The following PIK3CB variants were observed in gnomAD, a reference collection of about 807,000 sequenced individuals.
The protein encoded by PIK3CB is phosphatidylinositol 4,5-bisphosphate 3-kinase catalytic subunit beta isoform.
A neutral mutation model predicts 136.8 loss-of-function variants in PIK3CB; 39 were observed. The ratio of observed to expected loss-of-function variants is 0.29; its 90% confidence interval spans 0.22 to 0.37. PIK3CB has a LOEUF of 0.37. Among genes scored for constraint, PIK3CB ranks in the 10% least tolerant of loss-of-function variants. PIK3CB has a pLI of 1.00. For missense variants in PIK3CB, 868 were observed against 1,275.4 expected, an observed-to-expected ratio of 0.68 and a Z score of 4.87; for synonymous variants, 428 against 436.6, an observed-to-expected ratio of 0.98 and a Z score of 0.25.
chr3:138,728,516 G>A (rs2044891944), intron 8 of PIK3CB, among the ~76,000 whole-genome samples: 1 of 152,094 alleles, frequency 6.6e-6, no homozygotes, highest in Admixed American at 6.5e-5. Flanking sequence ...AGTGGCTCAC[G>A]CCTGTAATCA....
chr3:138,714,267 A>T (rs1172069923), intron 9 of PIK3CB, among the ~76,000 whole-genome samples: 1 of 152,240 alleles, frequency 6.6e-6, no homozygotes, highest in African/African-American at 2.4e-5. Context: ...GATTACAAAA[A>T]AAATGCATGA....
At chr3:138,677,338 G>A (rs1266855613) in intron 19 of PIK3CB, among the ~76,000 whole-genome samples, 3 of 152,098 alleles carry the variant, frequency 2.0e-5, no homozygotes, top group African/African-American at 2.4e-5. Context: ...GGTTACAGGC[G>A]TGAGCCACCG....
At chr3:138,821,852 C>G (rs1357634762) in intron 1 of PIK3CB, among the ~76,000 whole-genome samples, 1 of 151,458 alleles carries the variant, frequency 6.6e-6, no homozygotes, top group Non-Finnish European at 1.5e-5. Context: ...ATGTGCACAT[C>G]AAGAGTTAAG....
intron 19 of PIK3CB, among the ~76,000 whole-genome samples, chr3:138,669,329 G>C (rs562185166): frequency 8.4e-5 from 12 of 142,888 alleles, no homozygotes; most frequent in African/African-American, 3.1e-4. Context: ...GATCACCTGA[G>C]CCCAAGGAGT....
intron 11 of PIK3CB, among the ~76,000 whole-genome samples, chr3:138,705,181 CAAAACAAACAAAA>C (rs2044347329): frequency 2.1e-4 from 12 of 58,530 alleles, no homozygotes; most frequent in African/African-American, 8.3e-4. Flanking sequence ...AAACAAAAAA[CAAAACAAACAAAA>C]AAAAAAACTT....
chr3:138,662,971 G>A (rs2108413114), intron 21 of PIK3CB, among the ~76,000 whole-genome samples: 1 of 152,252 alleles, frequency 6.6e-6, no homozygotes, highest in African/African-American at 2.4e-5. Context: ...AGAAAACTTA[G>A]GCATTACCAT....
intron 10 of PIK3CB, among the ~76,000 whole-genome samples, chr3:138,709,520 T>A (rs527916447): frequency 8.5e-5 from 13 of 152,110 alleles, no homozygotes; most frequent in African/African-American, 3.1e-4. Context: ...GGAAAAAAAA[T>A]AATAAACGTG....
At chr3:138,747,052 CT>C (rs1451816493) in intron 4 of PIK3CB, among the ~76,000 whole-genome samples, 4 of 75,208 alleles carry the variant, frequency 5.3e-5, no homozygotes, top group South Asian at 4.7e-4. Context: ...GCTATTCAGC[CT>C]TTATATATAT....
intron 12 of PIK3CB, among the ~76,000 whole-genome samples, chr3:138,703,607 A>G (rs1354695139): frequency 6.6e-6 from 1 of 151,734 alleles, no homozygotes; most frequent in Non-Finnish European, 1.5e-5. Context: ...TAGATATATA[A>G]ATGTAGATAT....
chr3:138,762,353 G>A (rs763962839), intron 2 of PIK3CB, among the ~76,000 whole-genome samples: 58 of 152,190 alleles, frequency 3.8e-4, no homozygotes, highest in Admixed American at 2.6e-4. Flanking sequence ...ATGTCTAGTG[G>A]TCTTACTTTT....
chr3:138,696,228 C>G (rs1303441454), intron 13 of PIK3CB, among the ~76,000 whole-genome samples: 4 of 149,742 alleles, frequency 2.7e-5, no homozygotes, highest in Non-Finnish European at 5.9e-5. Context: ...TGTTGTCCAG[C>G]CTGGAGTGCA....
chr3:138,734,603 G>T (rs771603536), intron 7 of PIK3CB, 31 bp downstream of exon 7: 1 of 1,515,368 alleles, frequency 6.6e-7, no homozygotes. Context: ...ATGGCTTTTG[G>T]GGTTACTAAA....
chr3:138,775,287 C>T (rs2045845071), intron 2 of PIK3CB, among the ~76,000 whole-genome samples: 1 of 152,146 alleles, frequency 6.6e-6, no homozygotes, highest in Non-Finnish European at 1.5e-5. Context: ...GGGAAAACAA[C>T]TGAATTTCAA....
At chr3:138,661,041 T>G (rs1385115047) in intron 21 of PIK3CB, among the ~76,000 whole-genome samples, 1 of 152,210 alleles carries the variant, frequency 6.6e-6, no homozygotes, top group Non-Finnish European at 1.5e-5. Flanking sequence ...AGTCTTTTGA[T>G]GAGGGTCAAC....
intron 2 of PIK3CB, 34 bp from the exon 3 acceptor site, chr3:138,759,393 C>A (rs1322382725): frequency 1.1e-5 from 16 of 1,464,134 alleles, no homozygotes; most frequent in Non-Finnish European, 1.5e-5. Flanking sequence ...AGCAAAACAA[C>A]CATCAGCCAA....
chr3:138,800,052 T>C (rs1361524933), intron 1 of PIK3CB, among the ~76,000 whole-genome samples: 1 of 152,132 alleles, frequency 6.6e-6, no homozygotes, highest in Non-Finnish European at 1.5e-5. Context: ...CCTCACACTT[T>C]GTTCCTATTT....
chr3:138,763,782 A>T (rs537428900), intron 2 of PIK3CB, among the ~76,000 whole-genome samples: 252 of 152,310 alleles, frequency 1.7e-3, no homozygotes, highest in African/African-American at 5.9e-3. Context: ...TAAATTTCTA[A>T]GCCATTAGAG....
At chr3:138,834,623 G>T (rs1268358579) in intron 1 of PIK3CB, 72 bp downstream of exon 1, 5 of 153,098 alleles carry the variant, frequency 3.3e-5, no homozygotes, top group African/African-American at 1.2e-4. Context: ...ACGCCCGGGG[G>T]CACCGCAGCC....
In PIK3CB at chr3:138,834,721, T is replaced by G. The variant is rs1934195515; in HGVS notation, c.-148A>C. The G allele has an allele frequency of 6.5e-6, 1 of 153,638 alleles. No homozygotes were observed. Among genetic ancestry groups the G allele is most frequent in the Non-Finnish European group, 1.4e-5 (1 of 69,504 alleles). The allele number at this position is 153,638 out of a possible 1,614,324, so 9.5% of individuals were successfully genotyped here. ...TGCCTGGCGTTCCGCCGCCGCCGCC[T>G]GCTACTATTCCAAGTGCGCAGTCAG... On this transcript the variant is annotated 5_prime_UTR_variant, in exon 1 of 24. Transcript: ENST00000674063.
Sources: gnomAD v4.1 joint callset for allele counts (sites outside exome capture counted in the v4.1 genomes callset) on GRCh38, gnomAD v4.1.1 for gene constraint, MANE v1.5 for transcripts, NCBI Gene and HGNC (gene_info 2026-07-23, HGNC 2026-07-21) for gene names.